Variants in ZC3H3 observed in about 807,000 individuals in gnomAD.
ZC3H3 encodes the protein zinc finger CCCH-type containing 3.
In ZC3H3, 36 loss-of-function variants were observed where a neutral mutation model predicts 77.3. The observed-to-expected ratio is 0.47, with a 90% CI of 0.36 to 0.61. ZC3H3 has a LOEUF of 0.61. Among genes scored for constraint, ZC3H3 ranks in the 20% least tolerant of loss-of-function variants. The pLI, the probability that ZC3H3 is intolerant of heterozygous loss-of-function variation, is 0.00. For missense variants in ZC3H3, 1,331 were observed against 1,312.2 expected (o/e 1.01, Z -0.22); for synonymous variants, 626 against 555.2 (o/e 1.13, Z -1.79).
intron 5 of ZC3H3, among the ~76,000 whole-genome samples, 176 bp downstream of exon 5, chr8:143,475,222 T>C (rs1465660545): frequency 6.6e-6 from 1 of 152,178 alleles, no homozygotes; most frequent in Non-Finnish European, 1.5e-5. Flanking sequence ...GGGAAGTGCT[T>C]GTTTGGACTG....
At chr8:143,506,587 GCCC>G (rs1439306431) in intron 4 of ZC3H3, among the ~76,000 whole-genome samples, 2 of 152,072 alleles carry the variant, frequency 1.3e-5, no homozygotes, top group Non-Finnish European at 2.9e-5. Context: ...TGCAGAAATA[GCCC>G]CCGAGATGCT....
At chr8:143,505,586 C>T (rs985074111) in intron 4 of ZC3H3, among the ~76,000 whole-genome samples, 1 of 152,216 alleles carries the variant, frequency 6.6e-6, no homozygotes. Flanking sequence ...ACCCTATCCA[C>T]AAGCCCAGGG....
chr8:143,467,324 AAATAAC>A (rs1563843178), intron 8 of ZC3H3, among the ~76,000 whole-genome samples: 1 of 152,214 alleles, frequency 6.6e-6, no homozygotes, highest in Non-Finnish European at 1.5e-5. Flanking sequence ...ACGTCCACAC[AAATAAC>A]AATAACATTA....
Position 143,493,338 on chromosome 8 carries a change from C to G in ZC3H3, c.1715+14408G>C, listed in dbSNP as rs1009373503. Among the ~76,000 whole-genome samples the G allele has an allele frequency of 2.0e-5, 3 of 152,224 alleles. No homozygotes were observed. The highest frequency in any genetic ancestry group is 2.0e-4 in the Admixed American group (3 of 15,290). On this transcript the variant is annotated intron_variant, in intron 4 of 11. Transcript: ENST00000262577. This position sits in a 1 kb window ranked among gnomAD's most constrained non-coding sequence, Gnocchi z 4.8. ...TTGTCCGGAAAAAGTCCCAGAGGAT[C>G]AGCGGTGTCCCTCAGGGACATCCCA...
At position 143,537,993 on chromosome 8, in the gene ZC3H3, G is replaced by T; in HGVS notation, c.1364+10C>A. On this transcript the variant is annotated intron_variant, in intron 2 of 11. Transcript: ENST00000262577. The stretch of plus-strand genomic sequence containing the variant: ...CCTCACACTCTACCGCAGCCGGCCG[G>T]GATGCCCACCTTGTGCTGCTGCGTC... 1 of 1,589,306 alleles carries T rather than the reference G, an allele frequency of 6.3e-7. No individual in the cohort carries two copies. The highest frequency in any genetic ancestry group is 8.6e-7 in the Non-Finnish European group (1 of 1,167,140).
rs369177047 is a variant in ZC3H3, at chr8:143,507,751, T to G, written c.1710A>C (p.Leu570=). The G allele has an allele frequency of 3.1e-5, 49 of 1,574,456 alleles. No homozygotes were observed. The highest frequency in any genetic ancestry group is 4.1e-5 in the Non-Finnish European group (48 of 1,161,400). Residue 570 remains leucine (L), a synonymous_variant, in exon 4 of 12, where the codon CTA becomes CTC. Coordinates refer to ENST00000262577, the MANE Select transcript of ZC3H3 (RefSeq NM_015117.3). ...CCTGCAGGAAGCCTTCCTACCTGGA[T>G]AGTGAGAGCCGCCGGGCCCGCCAGG... The part of the protein sequence containing the change: ...LPSWRARRLS[L]SRSLVLNRLR...
intron 4 of ZC3H3, among the ~76,000 whole-genome samples, chr8:143,501,413 G>A (rs778236625): frequency 1.3e-5 from 2 of 151,328 alleles, no homozygotes; most frequent in African/African-American, 2.4e-5. Flanking sequence ...CATGTTGCCC[G>A]AGCTGGTCTT....
At chr8:143,482,623 G>A (rs1383161278) in intron 4 of ZC3H3, among the ~76,000 whole-genome samples, 2 of 152,180 alleles carry the variant, frequency 1.3e-5, no homozygotes, top group Non-Finnish European at 2.9e-5. Flanking sequence ...CTGGGAATGC[G>A]GGCTGGGGCA....
chr8:143,473,688 C>G (rs1359526831), intron 5 of ZC3H3, among the ~76,000 whole-genome samples: 1 of 152,194 alleles, frequency 6.6e-6, no homozygotes, highest in East Asian at 1.9e-4. Context: ...GAAGGTGGGA[C>G]CACCCGGCAT....
intron 4 of ZC3H3, chr8:143,484,918 T>A (rs1233718358): frequency 3.1e-5 from 14 of 453,254 alleles, no homozygotes; most frequent in South Asian, 2.2e-4. Context: ...CTCAGCAAAC[T>A]TCATGCGGCC....
intron 9 of ZC3H3, among the ~76,000 whole-genome samples, chr8:143,459,770 T>TA (rs909729979): frequency 3.3e-4 from 49 of 147,336 alleles, no homozygotes; most frequent in Non-Finnish European, 3.3e-4. Context: ...ATTTCATGTT[T>TA]AAAAAAAACC....
chr8:143,471,031 C>T (rs35110652), intron 5 of ZC3H3, among the ~76,000 whole-genome samples: 4,092 of 152,268 alleles, frequency 0.027, 67 homozygotes, highest in Non-Finnish European at 0.035. Context: ...GCAAGGCAAG[C>T]GGGGTGGGGG....
intron 9 of ZC3H3, among the ~76,000 whole-genome samples, chr8:143,441,842 C>T (rs901410905): frequency 5.3e-5 from 8 of 152,304 alleles, no homozygotes; most frequent in Admixed American, 3.3e-4. Flanking sequence ...CTGCCTGCCT[C>T]GTGCCCAAGG....
At chr8:143,459,145 C>G (rs1820193676) in intron 9 of ZC3H3, among the ~76,000 whole-genome samples, 1 of 152,106 alleles carries the variant, frequency 6.6e-6, no homozygotes, top group African/African-American at 2.4e-5. Context: ...CAGTAGTACC[C>G]CGATAACAAA....
chr8:143,455,340 A>G (rs1276662369), intron 9 of ZC3H3, among the ~76,000 whole-genome samples: 1 of 152,058 alleles, frequency 6.6e-6, no homozygotes, highest in Non-Finnish European at 1.5e-5. Context: ...AAATAAAAAT[A>G]CAAAAATTAG....
chr8:143,540,631 G>A (rs978966279), intron 1 of ZC3H3, among the ~76,000 whole-genome samples: 1 of 152,184 alleles, frequency 6.6e-6, no homozygotes, highest in Non-Finnish European at 1.5e-5. Flanking sequence ...GGCAAGGGGA[G>A]TGTGACTGTT....
intron 5 of ZC3H3, among the ~76,000 whole-genome samples, chr8:143,469,239 C>T (rs989426985): frequency 1.1e-4 from 16 of 152,196 alleles, no homozygotes; most frequent in Non-Finnish European, 1.9e-4. Flanking sequence ...TGGCAGGACC[C>T]GCGGGGTCAC....
intron 3 of ZC3H3, among the ~76,000 whole-genome samples, chr8:143,527,262 C>T (rs984027238): frequency 1.3e-5 from 2 of 152,184 alleles, no homozygotes; most frequent in Non-Finnish European, 2.9e-5. Flanking sequence ...TGCCAAGACA[C>T]GTGACTGGGG....
In ZC3H3 at chr8:143,538,995, G is replaced by A. The variant is rs1373941751; in HGVS notation, c.372C>T (p.Val124=). The A allele has an allele frequency of 1.9e-6, 3 of 1,612,946 alleles. No homozygotes were observed. Among genetic ancestry groups the A allele is most frequent in the East Asian group, 2.2e-5 (1 of 44,890 alleles). ...QVQLSQGQNV[V]IKVKPPSKSG... Reference sequence around the variant, plus strand: ...ACTTTGATGGCGGTTTAACTTTGATGACCACGTTCTGACCCTGACTGAGCT... The same window carrying A: ...ACTTTGATGGCGGTTTAACTTTGATAACCACGTTCTGACCCTGACTGAGCT... The change falls in exon 2 of 12, where the codon GTC becomes GTT. Residue 124 remains valine (V), a synonymous_variant. Transcript: ENST00000262577.
Sources: allele counts gnomAD v4.1 joint callset (sites outside exome capture counted in the v4.1 genomes callset), GRCh38; gene constraint gnomAD v4.1.1; non-coding constraint Gnocchi (gnomAD v3.1); transcripts MANE v1.5; gene names NCBI Gene and HGNC (gene_info 2026-07-23, HGNC 2026-07-21).